Variants in TRIM71 observed in about 807,000 individuals in gnomAD.
TRIM71 encodes tripartite motif containing 71, also known as E3 ubiquitin-protein ligase TRIM71.
Under a neutral mutation model 61.2 loss-of-function variants are expected in TRIM71, and 9 were observed. That is an observed-to-expected ratio of 0.15 (90% confidence interval 0.09 to 0.26). The LOEUF (loss-of-function observed/expected upper bound fraction) is 0.26. Ranked by LOEUF, TRIM71 falls within the 10% of genes least tolerant of loss-of-function variation. The pLI is 1.00. For missense variants in TRIM71, 998 were observed against 1,238.7 expected, an observed-to-expected ratio of 0.81 and a Z score of 2.92; for synonymous variants, 645 against 553.2, an observed-to-expected ratio of 1.17 and a Z score of -2.33.
chr3:32,819,560 G>A (rs1317007173), intron 1 of TRIM71, among the ~76,000 whole-genome samples: 1 of 152,136 alleles, frequency 6.6e-6, no homozygotes, highest in African/African-American at 2.4e-5. Flanking sequence ...ATCTTTGAGG[G>A]CCAAGGGCCC....
rs200204603 is a variant in TRIM71, at chr3:32,890,862, G to A, written c.1658G>A (p.Arg553Gln). 13 of 1,614,066 alleles carry A rather than the reference G, an allele frequency of 8.1e-6. No homozygotes were observed. Among genetic ancestry groups the A allele is most frequent in the Admixed American group, 1.7e-5 (1 of 60,004 alleles). ...QQNGTYVVSY[R>Q]PQLEGEHLVS... ...AATGGGACATACGTGGTGAGTTACC[G>A]ACCCCAGCTGGAGGGTGAGCACCTG... is the stretch of plus-strand genomic sequence containing the variant. Residue 553 changes from arginine (R) to glutamine (Q), a missense_variant, in exon 4 of 4, where the codon CGA (arginine) becomes CAA (glutamine). Coordinates refer to ENST00000383763, the MANE Select transcript of TRIM71 (RefSeq NM_001039111.3). The surrounding 1 kb of genome is among the most constrained non-coding windows in gnomAD (Gnocchi z 6.2).
rs1696960168 is a variant in TRIM71, at chr3:32,886,205, T to A, written c.1155+137T>A. 2.4e-6 allele frequency: 3 copies of A among 1,233,902 alleles called. No individual in the cohort carries two copies. The South Asian group carries it at 6.4e-5, about 26-fold the overall frequency. 76.4% of individuals were successfully genotyped at this position (1,233,902 alleles called of 1,614,324 possible). Reference sequence around the variant, plus strand: ...ACTTCGTAATTTTCCAGAAAGCCTGTTAGCAGAAAGATGCAGGGGGTCCCT... The same window carrying A: ...ACTTCGTAATTTTCCAGAAAGCCTGATAGCAGAAAGATGCAGGGGGTCCCT... On this transcript the variant is annotated intron_variant, in intron 3 of 3. Transcript: ENST00000383763.
At chr3:32,886,928 C>T (rs1477570212) in intron 3 of TRIM71, among the ~76,000 whole-genome samples, 1 of 152,212 alleles carries the variant, frequency 6.6e-6, no homozygotes, top group Non-Finnish European at 1.5e-5. Flanking sequence ...CTTCTGACCT[C>T]TTAAGGAATA....
intron 2 of TRIM71, among the ~76,000 whole-genome samples, chr3:32,874,554 A>G (rs1329169130): frequency 6.6e-6 from 1 of 150,418 alleles, no homozygotes; most frequent in Non-Finnish European, 1.5e-5. Context: ...ACGGAGTCTC[A>G]CTCTGTTGCC....
Position 32,830,032 on chromosome 3 carries a change from C to G in TRIM71, c.852+11100C>G, listed in dbSNP as rs558991333. The stretch of plus-strand genomic sequence containing the variant: ...GCAACCTCTGCCTCCTGGGTTCCAG[C>G]ATTCTCCTGCCTCCCCGGGTATATG... On this transcript the variant is annotated intron_variant, in intron 1 of 3. Transcript: ENST00000383763. 2.7e-5 allele frequency among the ~76,000 whole-genome samples: 4 copies of G among 150,404 alleles called. No individual in the cohort carries two copies. In the East Asian group the frequency reaches 7.8e-4, roughly 29 times the overall value.
intron 1 of TRIM71, among the ~76,000 whole-genome samples, chr3:32,862,310 T>C (rs1033504334): frequency 6.6e-6 from 1 of 152,198 alleles, no homozygotes; most frequent in African/African-American, 2.4e-5. Context: ...TTATTACTAG[T>C]GTATTCTCAT....
In TRIM71 at chr3:32,894,798, T is replaced by G. The variant is rs995396937; in HGVS notation, c.*2987T>G. ...GTGAAACTGTGAAAAGTACCTGTGT[T>G]TAAATGCATAATCTCCTGCCCGGGT... is the stretch of plus-strand genomic sequence containing the variant. On this transcript the variant is annotated 3_prime_UTR_variant, in exon 4 of 4. Coordinates refer to ENST00000383763, the MANE Select transcript of TRIM71 (RefSeq NM_001039111.3). 2 of 152,148 alleles carry G rather than the reference T, an allele frequency of 1.3e-5. No individual in the cohort carries two copies. The highest frequency in any genetic ancestry group is 2.1e-4 in the South Asian group (1 of 4,828). 9.4% of individuals were successfully genotyped at this position (152,148 alleles called of 1,614,324 possible). A position where few individuals can be genotyped will look rare whatever the true frequency, so the allele number is the denominator to read the frequency against.
intron 1 of TRIM71, among the ~76,000 whole-genome samples, chr3:32,870,797 C>G (rs1696787424): frequency 6.6e-6 from 1 of 152,104 alleles, no homozygotes; most frequent in African/African-American, 2.4e-5. Context: ...TGGCTCAGCC[C>G]AGAACTTACT....
chr3:32,830,144 AACT>A (rs1277085356), intron 1 of TRIM71, among the ~76,000 whole-genome samples: 1 of 152,054 alleles, frequency 6.6e-6, no homozygotes, highest in East Asian at 1.9e-4. Flanking sequence ...GCTGGTCTTG[AACT>A]CCTGACCTCA....
Position 32,895,086 on chromosome 3 carries a change from A to G in TRIM71, c.*3275A>G, listed in dbSNP as rs894542780. 2.0e-5 allele frequency: 3 copies of G among 152,208 alleles called. No homozygotes were observed. Among genetic ancestry groups the G allele is most frequent in the Non-Finnish European group, 2.9e-5 (2 of 68,034 alleles). 9.4% of individuals were successfully genotyped at this position (152,208 alleles called of 1,614,324 possible). A position where few individuals can be genotyped will look rare whatever the true frequency, so the allele number is the denominator to read the frequency against. On this transcript the variant is annotated 3_prime_UTR_variant, in exon 4 of 4. Coordinates refer to ENST00000383763, the MANE Select transcript of TRIM71 (RefSeq NM_001039111.3). ...GAGATGTTTAAAGGACATCTAACCCATAGGTAAAAACTACTTTTGCTTGAC... is the reference window on the plus strand; with the variant it reads ...GAGATGTTTAAAGGACATCTAACCCGTAGGTAAAAACTACTTTTGCTTGAC...
intron 1 of TRIM71, among the ~76,000 whole-genome samples, chr3:32,847,765 A>G (rs1429564477): frequency 2.0e-5 from 3 of 151,956 alleles, no homozygotes; most frequent in African/African-American, 4.8e-5. Flanking sequence ...CTCCTCCCAC[A>G]TTTGCCTCTG....
Position 32,890,941 on chromosome 3 carries a change from G to A in TRIM71, c.1737G>A (p.Val579=), listed in dbSNP as rs1412076994. 7 of 1,614,098 alleles carry A rather than the reference G, an allele frequency of 4.3e-6. No individual in the cohort carries two copies. The highest frequency in any genetic ancestry group is 1.3e-5 in the African/African-American group (1 of 74,932). ...QHIENSPFKV[V]VKSGRSYVGI... ...TTGAGAACAGCCCTTTCAAGGTGGT[G>A]GTCAAGTCAGGCCGCAGCTACGTGG... Residue 579 remains valine (V), a synonymous_variant, in exon 4 of 4, where the codon GTG becomes GTA. Transcript: ENST00000383763. This position sits in a 1 kb window ranked among gnomAD's most constrained non-coding sequence, Gnocchi z 6.2.
chr3:32,865,368 A>C (rs528983753), intron 1 of TRIM71, among the ~76,000 whole-genome samples: 1 of 151,952 alleles, frequency 6.6e-6, no homozygotes, highest in African/African-American at 2.4e-5. Context: ...AAACCAAAAA[A>C]CCCACTGTTG....
rs184605415 is a variant in TRIM71, at chr3:32,840,940, A to G, written c.852+22008A>G. ...ATCTTATCCACAAACTAAAGATTCT[A>G]TCCCTTCCTCATTTAAAAAAGCCTG... is the stretch of plus-strand genomic sequence containing the variant. On this transcript the variant is annotated intron_variant, in intron 1 of 3. Transcript: ENST00000383763. Among the ~76,000 whole-genome samples, 325 of 152,172 alleles carry G rather than the reference A, an allele frequency of 2.1e-3. 1 individual carries two copies. The highest frequency in any genetic ancestry group is 3.0e-3 in the Non-Finnish European group (205 of 67,996).
At chr3:32,872,606 C>T (rs373601425) in intron 1 of TRIM71, among the ~76,000 whole-genome samples, 23 of 152,318 alleles carry the variant, frequency 1.5e-4, no homozygotes, top group East Asian at 3.9e-4. Flanking sequence ...ATTCAGTCTG[C>T]GCAGAATCGC....
At position 32,818,071 on chromosome 3, in the gene TRIM71, T is replaced by C. The variant is rs368257282; in HGVS notation, c.-10T>C. On this transcript the variant is annotated 5_prime_UTR_variant, in exon 1 of 4. Transcript: ENST00000383763. Reference sequence around the variant, plus strand: ...CTCTGGTCTCCTCCCTCCTCCGGGCTGGGTTGCAAATGGCTTCGTTCCCCG... The same window carrying C: ...CTCTGGTCTCCTCCCTCCTCCGGGCCGGGTTGCAAATGGCTTCGTTCCCCG... 43 of 1,609,904 alleles carry C rather than the reference T, an allele frequency of 2.7e-5. No individual in the cohort carries two copies. The African/African-American group carries it at 5.5e-4, about 21-fold the overall frequency.
chr3:32,847,799 A>G (rs914284491), intron 1 of TRIM71, among the ~76,000 whole-genome samples: 1 of 152,160 alleles, frequency 6.6e-6, no homozygotes, highest in Admixed American at 6.5e-5. Context: ...CTGGCTCTCA[A>G]TATGGGGCTG....
At chr3:32,844,729 C>T (rs1296784158) in intron 1 of TRIM71, among the ~76,000 whole-genome samples, 1 of 152,112 alleles carries the variant, frequency 6.6e-6, no homozygotes, top group Non-Finnish European at 1.5e-5. Flanking sequence ...AATAATGAAG[C>T]TTTAACTTAG....
chr3:32,864,860 GT>G (rs1696714426), intron 1 of TRIM71, among the ~76,000 whole-genome samples: 1 of 24,594 alleles, frequency 4.1e-5, no homozygotes, highest in East Asian at 2.7e-4. Context: ...GTGTGTGTGT[GT>G]GTGTGTGTGT....
Sources: allele counts gnomAD v4.1 joint callset (sites outside exome capture counted in the v4.1 genomes callset), GRCh38; gene constraint gnomAD v4.1.1; non-coding constraint Gnocchi (gnomAD v3.1); transcripts MANE v1.5; gene names NCBI Gene and HGNC (gene_info 2026-07-23, HGNC 2026-07-21).